WDR62: variants seen among roughly 807,000 people sequenced by gnomAD.
WDR62 encodes the protein WD repeat domain 62.
In WDR62, 112 loss-of-function variants were observed where a neutral mutation model predicts 160.6. The ratio of observed to expected loss-of-function variants is 0.70; its 90% CI spans 0.60 to 0.82. WDR62 has a LOEUF of 0.82. WDR62 is among the 40% of genes least tolerant of loss of function. The pLI is 0.00. For synonymous variants in WDR62, 792 were observed against 815.1 expected (o/e 0.97, Z 0.48); for missense variants, 1,819 against 1,983.8 (o/e 0.92, Z 1.58).
In WDR62 at chr19:36,067,863, C is replaced by G; in HGVS notation, c.735C>G (p.Gly245=). The G allele has an allele frequency of 6.2e-7, 1 of 1,614,218 alleles. No individual in the cohort carries two copies. The highest frequency in any genetic ancestry group is 8.5e-7 in the Non-Finnish European group (1 of 1,180,044). Residue 245 remains glycine, a synonymous_variant, in exon 7 of 32, where the codon GGC becomes GGG. Transcript: ENST00000401500. ...CAGTGCCCCTTGTAGGGCGCTCGGG[C>G]ATCCTGGGCGAGCTGCACAACAACA... The part of the protein sequence containing the change: ...TSTVPLVGRS[G]ILGELHNNIF...
intron 16 of WDR62, 35 bp downstream of exon 16, chr19:36,090,555 C>T (rs1972533089): frequency 6.2e-7 from 1 of 1,601,404 alleles, no homozygotes; most frequent in Admixed American, 1.7e-5. Context: ...GTCTGCTGCC[C>T]TGATGGGCCA....
chr19:36,058,048 T>C (rs1970454637), intron 1 of WDR62, among the ~76,000 whole-genome samples: 1 of 152,206 alleles, frequency 6.6e-6, no homozygotes, highest in Non-Finnish European at 1.5e-5. Flanking sequence ...TCAAGTCTTT[T>C]ATACATATAA....
intron 8 of WDR62, among the ~76,000 whole-genome samples, chr19:36,072,684 A>G (rs116776990): frequency 0.01 from 1,590 of 152,214 alleles, 12 homozygotes; most frequent in South Asian, 0.041. Flanking sequence ...ACTGGGTGTC[A>G]TGAAGGAAAG....
At chr19:36,085,374 C>A (rs1972148670) in intron 12 of WDR62, among the ~76,000 whole-genome samples, 1 of 142,058 alleles carries the variant, frequency 7.0e-6, no homozygotes, top group South Asian at 2.2e-4. Context: ...CCTTGGCCTC[C>A]CAAAGCGCTG....
At position 36,097,833 on chromosome 19, in the gene WDR62, G is replaced by A. The variant is rs181272148; in HGVS notation, c.2520+754G>A. On this transcript the variant is annotated intron_variant, in intron 21 of 31. Coordinates refer to ENST00000401500, the MANE Select transcript of WDR62 (RefSeq NM_001083961.2). ...AGGGAGGTCGAGGATGCAGGGAGCT[G>A]CACTCCACAGCACTCCAGCATGAGC... Among the ~76,000 whole-genome samples, 552 of 151,940 alleles carry A rather than the reference G, an allele frequency of 3.6e-3. 7 individuals carry two copies. The South Asian group carries it at 0.037, about 10-fold the overall frequency.
Position 36,054,907 on chromosome 19 carries a change from T to G in WDR62, c.-65T>G, listed in dbSNP as rs1236129526. On this transcript the variant is annotated 5_prime_UTR_variant, in exon 1 of 32. Coordinates refer to ENST00000401500, the MANE Select transcript of WDR62 (RefSeq NM_001083961.2). Reference sequence around the variant, plus strand: ...TTCCCGCGGCTGTTCGCTGTTCCAGTGGGTCGTGGCGGTGGCGGCAGCGGC... The same window carrying G: ...TTCCCGCGGCTGTTCGCTGTTCCAGGGGGTCGTGGCGGTGGCGGCAGCGGC... 1 of 1,538,440 alleles carries G rather than the reference T, an allele frequency of 6.5e-7. No individual in the cohort carries two copies. The highest frequency in any genetic ancestry group is 8.8e-7 in the Non-Finnish European group (1 of 1,142,698).
In WDR62 at chr19:36,103,469, C is replaced by T. The variant is rs752898108; in HGVS notation, c.3641C>T (p.Thr1214Ile). 7.4e-5 allele frequency: 119 copies of T among 1,614,220 alleles called. 2 individuals carry two copies. In the South Asian group the frequency reaches 1.2e-3, roughly 17 times the overall value. ...GCTCAGGGTGTCCATGCCCCCTCCA[C>T]CTGTTCCTACATGGAGGCCACTGCC... The part of the protein sequence containing the change: ...GLAQGVHAPS[T>I]CSYMEATASS... Residue 1214 changes from threonine (T) to isoleucine (I), a missense_variant, in exon 30 of 32, where the codon ACC (threonine) becomes ATC (isoleucine). Transcript: ENST00000401500.
intron 23 of WDR62, 85 bp from the exon 24 acceptor site, chr19:36,101,123 GGGTACA>G: frequency 1.6e-6 from 2 of 1,278,672 alleles, no homozygotes; most frequent in South Asian, 2.5e-5. Flanking sequence ...CAGGAGCAGC[GGGTACA>G]GGTGCCTAGG....
rs1568355584 is a variant in WDR62 at position 36,090,464 on chromosome 19, G to A, written c.1978G>A (p.Gly660Arg). Residue 660 changes from glycine (G) to arginine (R), a missense_variant, in exon 16 of 32, where the codon GGG (glycine) becomes AGG (arginine). Physicochemically the swap from Gly to Arg is moderately radical, Grantham distance 125 (BLOSUM62 -2). This residue lies in a region of WDR62 where 934 missense variants were observed against 1,157.2 expected (regional missense o/e 0.81). Coordinates refer to ENST00000401500, the MANE Select transcript of WDR62 (RefSeq NM_001083961.2). ...CCCCAGAGTCTACAACACTGTGAAC[G>A]GGAAGCAGAAGAAGTGCTACAAGGG... ...RNVRVYNTVN[G>R]KQKKCYKGSQ... The A allele has an allele frequency of 5.6e-6, 9 of 1,613,964 alleles. No individual in the cohort carries two copies. The highest frequency in any genetic ancestry group is 2.2e-5 in the East Asian group (1 of 44,884).
chr19:36,090,323 C>A, intron 15 of WDR62, 122 bp from the exon 16 acceptor site: 2 of 871,974 alleles, frequency 2.3e-6, no homozygotes, highest in Non-Finnish European at 3.9e-6. Flanking sequence ...TCAGTCTAGG[C>A]ATCAGATGGG....
intron 27 of WDR62, 25 bp downstream of exon 27, chr19:36,102,876 A>C: frequency 6.2e-7 from 1 of 1,614,066 alleles, no homozygotes; most frequent in Non-Finnish European, 8.5e-7. Context: ...AGCACTGCCC[A>C]CCCTCTGGCT....
At position 36,067,446 on chromosome 19, in the gene WDR62, G is replaced by A. The variant is rs1202900129; in HGVS notation, c.699+3G>A. 6.2e-7 allele frequency: 1 copy of A among 1,614,178 alleles called. No homozygotes were observed. Among genetic ancestry groups the A allele is most frequent in the African/African-American group, 1.3e-5 (1 of 75,070 alleles). On this transcript the variant is annotated splice_donor_region_variant and intron_variant, in intron 6 of 31. Coordinates refer to ENST00000401500, the MANE Select transcript of WDR62 (RefSeq NM_001083961.2). Reference sequence around the variant, plus strand: ...TGGAAGTCTCCACTGAGACAAAGGTGAGTTTCTGTCCCTGCCCCTTTAGCC... The same window carrying A: ...TGGAAGTCTCCACTGAGACAAAGGTAAGTTTCTGTCCCTGCCCCTTTAGCC...
intron 3 of WDR62, 112 bp downstream of exon 3, chr19:36,060,142 A>G (rs1030679828): frequency 9.0e-6 from 10 of 1,117,240 alleles, no homozygotes; most frequent in Admixed American, 3.4e-5. Context: ...ATTCACTTAC[A>G]TGTTGGCTCA....
chr19:36,077,276 C>CTTCCTT (rs1555715432), intron 9 of WDR62, among the ~76,000 whole-genome samples: 1 of 87,142 alleles, frequency 1.1e-5, no homozygotes, highest in African/African-American at 4.8e-5. Context: ...TCCTTCCTTC[C>CTTCCTT]TTTTTTTTTT....
intron 3 of WDR62, chr19:36,060,397 A>G: frequency 3.6e-6 from 1 of 278,806 alleles, no homozygotes; most frequent in East Asian, 7.6e-5. Context: ...TGAGACCTGA[A>G]GGAAGCGAGA....
intron 12 of WDR62, 35 bp from the exon 13 acceptor site, chr19:36,086,652 C>G: frequency 1.3e-6 from 2 of 1,581,962 alleles, no homozygotes; most frequent in Non-Finnish European, 1.7e-6. Flanking sequence ...ACCCACGCAG[C>G]CTTCAGGAAC....
chr19:36,101,075 C>T (rs2145857064), intron 23 of WDR62, 139 bp from the exon 24 acceptor site: 7 of 1,150,032 alleles, frequency 6.1e-6, no homozygotes, highest in East Asian at 2.5e-5. Context: ...AAGGAGGGGG[C>T]ATTTGGAGGA....
At chr19:36,069,188 C>T (rs1971132192) in intron 7 of WDR62, among the ~76,000 whole-genome samples, 1 of 146,120 alleles carries the variant, frequency 6.8e-6, no homozygotes, top group South Asian at 2.1e-4. Context: ...CCACCTCCCT[C>T]CGGGACGGGG....
rs1308171978 is a variant in WDR62, at chr19:36,097,007, TG to T, written c.2468-18del. ...TGTTGGGTTGTTTGTCCTCTTTTCA[TG>T]GATTCTGTGTCTTTCCAGATCCTCG... On this transcript the variant is annotated intron_variant, in intron 20 of 31. Coordinates refer to ENST00000401500, the MANE Select transcript of WDR62 (RefSeq NM_001083961.2). The T allele has an allele frequency of 6.2e-7, 1 of 1,607,078 alleles. No individual in the cohort carries two copies. Among genetic ancestry groups the T allele is most frequent in the South Asian group, 1.1e-5 (1 of 89,526 alleles).
Sources: gnomAD v4.1 joint callset for allele counts (sites outside exome capture counted in the v4.1 genomes callset) on GRCh38, gnomAD v4.1.1 for gene constraint, gnomAD v4.1.1 regional missense constraint, MANE v1.5 for transcripts, NCBI Gene and HGNC (gene_info 2026-07-23, HGNC 2026-07-21) for gene names.